The following ELMO1 variants were observed in gnomAD, a reference collection of about 807,000 sequenced individuals.
ELMO1 encodes engulfment and cell motility protein 1.
Under a neutral mutation model 98.9 loss-of-function variants are expected in ELMO1, and 26 were observed. That is an observed-to-expected ratio of 0.26 (90% CI 0.19 to 0.36). The LOEUF (loss-of-function observed/expected upper bound fraction) is 0.36, where lower values mean the gene tolerates loss of function less well. Ranked by LOEUF, ELMO1 falls within the 10% of genes least tolerant of loss-of-function variation. ELMO1 has a pLI of 1.00. For missense variants in ELMO1, 627 were observed against 935.2 expected (o/e 0.67, Z 4.30); for synonymous variants, 346 against 346.0 (o/e 1.00, Z 0.00).
chr7:37,047,722 TA>T (rs982454374), intron 15 of ELMO1, among the ~76,000 whole-genome samples: 6 of 152,204 alleles, frequency 3.9e-5, no homozygotes, highest in Non-Finnish European at 5.9e-5. Flanking sequence ...GGCTTTTCCC[TA>T]AATAAAGTAT....
intron 15 of ELMO1, among the ~76,000 whole-genome samples, chr7:37,017,904 C>CA (rs1794034899): frequency 6.6e-6 from 1 of 152,094 alleles, no homozygotes; most frequent in African/African-American, 2.4e-5. Flanking sequence ...AATGAGGAGG[C>CA]AGGATAGAGA....
At chr7:36,869,204 C>T (rs1453395100) in intron 20 of ELMO1, among the ~76,000 whole-genome samples, 2 of 152,140 alleles carry the variant, frequency 1.3e-5, no homozygotes, top group Non-Finnish European at 2.9e-5. Context: ...AGTATGCTTG[C>T]CAATCAAATG....
chr7:37,060,165 A>C (rs919876067), intron 15 of ELMO1, among the ~76,000 whole-genome samples: 1 of 152,220 alleles, frequency 6.6e-6, no homozygotes, highest in Admixed American at 6.5e-5. Flanking sequence ...AGAACCAGCA[A>C]GAGGCAAAGT....
intron 15 of ELMO1, among the ~76,000 whole-genome samples, chr7:37,049,158 C>T (rs1337250220): frequency 6.6e-6 from 1 of 152,174 alleles, no homozygotes; most frequent in Non-Finnish European, 1.5e-5. Context: ...AAGGGATAAA[C>T]ATTAAGCACC....
intron 6 of ELMO1, among the ~76,000 whole-genome samples, chr7:37,245,634 G>A (rs1478275331): frequency 1.3e-5 from 2 of 152,134 alleles, no homozygotes; most frequent in Non-Finnish European, 2.9e-5. Context: ...GTGAAAGGGT[G>A]AGACGGGGAG....
chr7:37,386,671 G>A (rs1349463801), intron 1 of ELMO1, among the ~76,000 whole-genome samples: 1 of 152,108 alleles, frequency 6.6e-6, no homozygotes, highest in East Asian at 1.9e-4. Context: ...TGTCAGGTAA[G>A]TAGAGATCCA....
chr7:37,417,427 C>T (rs1223398433), intron 1 of ELMO1, among the ~76,000 whole-genome samples: 1 of 152,046 alleles, frequency 6.6e-6, no homozygotes, highest in Non-Finnish European at 1.5e-5. Context: ...TTTCGGAGGC[C>T]GAGGTGGGAG....
intron 15 of ELMO1, among the ~76,000 whole-genome samples, chr7:37,043,750 G>T (rs905604288): frequency 1.3e-5 from 2 of 152,122 alleles, no homozygotes; most frequent in African/African-American, 4.8e-5. Context: ...ACCAACGAGA[G>T]TTTGGAACTT....
At chr7:36,982,810 C>G (rs190453195) in intron 16 of ELMO1, among the ~76,000 whole-genome samples, 101 of 152,310 alleles carry the variant, frequency 6.6e-4, no homozygotes, top group Non-Finnish European at 1.2e-3. Context: ...CATTGTGAAT[C>G]CATTTATAAA....
intron 16 of ELMO1, among the ~76,000 whole-genome samples, chr7:36,972,750 C>T (rs1790079869): frequency 6.6e-6 from 1 of 152,174 alleles, no homozygotes; most frequent in Non-Finnish European, 1.5e-5. Flanking sequence ...GTTAGGACTT[C>T]AATCTATATA....
intron 16 of ELMO1, among the ~76,000 whole-genome samples, chr7:36,899,108 C>T (rs1328965245): frequency 6.6e-6 from 1 of 152,082 alleles, no homozygotes; most frequent in East Asian, 1.9e-4. Context: ...GGGAAGTGTT[C>T]AGCGGTCTTG....
chr7:36,936,737 A>T (rs534680585), intron 16 of ELMO1, among the ~76,000 whole-genome samples: 1 of 152,282 alleles, frequency 6.6e-6, no homozygotes, highest in Non-Finnish European at 1.5e-5. Context: ...TATAGGTGTA[A>T]GCCACCGAAT....
At chr7:37,045,227 T>C (rs897222704) in intron 15 of ELMO1, among the ~76,000 whole-genome samples, 2 of 152,218 alleles carry the variant, frequency 1.3e-5, no homozygotes, top group African/African-American at 2.4e-5. Context: ...ATCTGAATAA[T>C]GTATGGACTT....
chr7:37,447,726 A>G (rs1434594089), intron 1 of ELMO1, among the ~76,000 whole-genome samples: 1 of 44,160 alleles, frequency 2.3e-5, no homozygotes, highest in Non-Finnish European at 7.7e-5. Context: ...ACACACACAC[A>G]CACACACACA....
At chr7:37,096,773 A>T in intron 14 of ELMO1, 46 bp from the exon 15 acceptor site, 3 of 1,527,776 alleles carry the variant, frequency 2.0e-6, no homozygotes, top group Non-Finnish European at 2.7e-6. Context: ...TCAATTGTGG[A>T]AAACATCAAG....
chr7:37,347,281 G>C (rs1379166195), intron 1 of ELMO1, among the ~76,000 whole-genome samples: 2 of 152,132 alleles, frequency 1.3e-5, no homozygotes, highest in East Asian at 3.9e-4. Context: ...TCTAGCCTGG[G>C]CTTTCTCATT....
chr7:37,264,838 C>T (rs1282590945), intron 5 of ELMO1, among the ~76,000 whole-genome samples: 2 of 152,134 alleles, frequency 1.3e-5, no homozygotes, highest in African/African-American at 4.8e-5. Context: ...ATTTCTCTCT[C>T]TTGAAGATAC....
intron 1 of ELMO1, among the ~76,000 whole-genome samples, chr7:37,359,618 T>G (rs909934500): frequency 1.3e-5 from 2 of 152,196 alleles, no homozygotes; most frequent in African/African-American, 4.8e-5. Flanking sequence ...CTGAGGAAAC[T>G]GGTCACTTAT....
At chr7:37,400,708 C>A (rs1011764873) in intron 1 of ELMO1, among the ~76,000 whole-genome samples, 4 of 152,134 alleles carry the variant, frequency 2.6e-5, no homozygotes, top group Admixed American at 1.3e-4. Context: ...AAGATCAAAA[C>A]TTCTACTTTT....
Sources: gnomAD v4.1 joint callset for allele counts (sites outside exome capture counted in the v4.1 genomes callset) on GRCh38, gnomAD v4.1.1 for gene constraint, MANE v1.5 for transcripts, NCBI Gene and HGNC (gene_info 2026-07-23, HGNC 2026-07-21) for gene names.